The following GALNT18 variants were observed in gnomAD, a reference collection of about 807,000 sequenced individuals.
The protein encoded by GALNT18 is polypeptide N-acetylgalactosaminyltransferase 18.
GALNT18 carries 44 observed loss-of-function variants against 69.5 expected under a neutral mutation model. The observed-to-expected ratio is 0.63, with a 90% CI of 0.50 to 0.81. The LOEUF (loss-of-function observed/expected upper bound fraction) is 0.81. Ranked by LOEUF, GALNT18 falls within the 40% of genes least tolerant of loss-of-function variation. The probability of loss-of-function intolerance (pLI) is 0.00; values close to 1 mark genes in which losing one functional copy is unlikely to be tolerated. For missense variants in GALNT18, 715 were observed against 810.0 expected (o/e 0.88, Z 1.42); for synonymous variants, 364 against 318.2 (o/e 1.14, Z -1.53).
At chr11:11,296,151 A>G (rs1051745546) in intron 9 of GALNT18, among the ~76,000 whole-genome samples, 1 of 152,180 alleles carries the variant, frequency 6.6e-6, no homozygotes, top group Non-Finnish European at 1.5e-5. Flanking sequence ...GAAATGAGAA[A>G]AGCCATGGTC....
intron 1 of GALNT18, among the ~76,000 whole-genome samples, chr11:11,508,379 ATGT>A (rs1487511247): frequency 6.6e-6 from 1 of 152,198 alleles, no homozygotes; most frequent in Non-Finnish European, 1.5e-5. Flanking sequence ...TACATAAGTG[ATGT>A]TGTGCTCATC....
intron 3 of GALNT18, among the ~76,000 whole-genome samples, chr11:11,394,064 G>T (rs188963902): frequency 2.0e-5 from 3 of 152,188 alleles, no homozygotes; most frequent in African/African-American, 7.2e-5. Context: ...TGGGAAGAAA[G>T]AATTAAACCA....
chr11:11,592,265 G>T lies in GALNT18; in HGVS notation c.235+29094C>A, dbSNP rs1335528992. On this transcript the variant is annotated intron_variant, in intron 1 of 10. Transcript: ENST00000227756. This position sits in a 1 kb window ranked among gnomAD's most constrained non-coding sequence, Gnocchi z 5.9. ...ACAGAAAAGCTTTAATCAATGCCCG[G>T]AAGTGAAATGCTAAGAAATTATATG... Among the ~76,000 whole-genome samples the T allele has an allele frequency of 3.3e-5, 5 of 152,062 alleles. No homozygotes were observed. The highest frequency in any genetic ancestry group is 1.2e-4 in the African/African-American group (5 of 41,394).
At chr11:11,599,019 G>A (rs1332039972) in intron 1 of GALNT18, among the ~76,000 whole-genome samples, 1 of 151,658 alleles carries the variant, frequency 6.6e-6, no homozygotes, top group Non-Finnish European at 1.5e-5. Context: ...AGTGTATGGT[G>A]TATTCTGGAT....
Position 11,621,626 on chromosome 11 carries a change from G to A in GALNT18, c.-33C>T, listed in dbSNP as rs776367283. 8 of 1,508,736 alleles carry A rather than the reference G, an allele frequency of 5.3e-6. No individual in the cohort carries two copies. Among genetic ancestry groups the A allele is most frequent in the African/African-American group, 1.4e-5 (1 of 72,104 alleles). The allele number at this position is 1,508,736 out of a possible 1,614,324, so 93.5% of individuals were successfully genotyped here. A position where few individuals can be genotyped will look rare whatever the true frequency, so the allele number is the denominator to read the frequency against. On this transcript the variant is annotated 5_prime_UTR_variant, in exon 1 of 11. Coordinates refer to ENST00000227756, the MANE Select transcript of GALNT18 (RefSeq NM_198516.3). The surrounding 1 kb of genome is among the most constrained non-coding windows in gnomAD (Gnocchi z 9.3). ...TCCTTCCTCCATATAGAGCTCCCGGGGGCCCTTCCTTGTCGTGCGCCCCGA... is the reference window on the plus strand; with the variant it reads ...TCCTTCCTCCATATAGAGCTCCCGGAGGCCCTTCCTTGTCGTGCGCCCCGA...
rs76764370 is a variant in GALNT18 at position 11,323,392 on chromosome 11, A to G, written c.1512+3694T>C. On this transcript the variant is annotated intron_variant, in intron 9 of 10. Coordinates refer to ENST00000227756, the MANE Select transcript of GALNT18 (RefSeq NM_198516.3). ...TCTCATTCCAGAAGGAGAAATCAGA[A>G]TGAAGGAGAGTGATGAGTCCCAAGC... 7.9e-5 allele frequency among the ~76,000 whole-genome samples: 12 copies of G among 152,364 alleles called. No homozygotes were observed. The East Asian group carries it at 2.3e-3, about 29-fold the overall frequency.
In GALNT18 at chr11:11,543,094, G is replaced by GCTTGGTCA. The variant is rs1857964160; in HGVS notation, c.235+78257_235+78264dup. On this transcript the variant is annotated intron_variant, in intron 1 of 10. Transcript: ENST00000227756. The surrounding 1 kb of genome is among the most constrained non-coding windows in gnomAD (Gnocchi z 5.1). ...GGGAAGGATCTGGTGCATGGAAAGTGCTTGGTCAGTGTTAGTTACTATTAT... is the reference window on the plus strand; with the variant it reads ...GGGAAGGATCTGGTGCATGGAAAGTGCTTGGTCACTTGGTCAGTGTTAGTTACTATTAT... Among the ~76,000 whole-genome samples the GCTTGGTCA allele has an allele frequency of 6.6e-6, 1 of 152,330 alleles. No homozygotes were observed. The highest frequency in any genetic ancestry group is 1.5e-5 in the Non-Finnish European group (1 of 68,030).
In GALNT18 at chr11:11,613,207, A is replaced by T. The variant is rs763259931; in HGVS notation, c.235+8152T>A. On this transcript the variant is annotated intron_variant, in intron 1 of 10. Coordinates refer to ENST00000227756, the MANE Select transcript of GALNT18 (RefSeq NM_198516.3). This position sits in a 1 kb window ranked among gnomAD's most constrained non-coding sequence, Gnocchi z 4.2. ...AGCTTAAGTGTTCATATAACAAGGA[A>T]TCCTCTTGCTTAAAGTTCCAGTTGG... Among the ~76,000 whole-genome samples the T allele has an allele frequency of 1.3e-5, 2 of 152,186 alleles. No homozygotes were observed. Among genetic ancestry groups the T allele is most frequent in the Non-Finnish European group, 2.9e-5 (2 of 68,030 alleles).
Position 11,546,812 on chromosome 11 carries a change from A to G in GALNT18, c.235+74547T>C, listed in dbSNP as rs1858062860. Among the ~76,000 whole-genome samples the G allele has an allele frequency of 6.7e-6, 1 of 149,194 alleles. No homozygotes were observed. The highest frequency in any genetic ancestry group is 1.5e-5 in the Non-Finnish European group (1 of 67,436). The stretch of plus-strand genomic sequence containing the variant: ...TGGCATAGAGCAGGCACTCAGATCA[A>G]TTTTCGGTCAGATGGATGGATGGGT... On this transcript the variant is annotated intron_variant, in intron 1 of 10. Transcript: ENST00000227756. The surrounding 1 kb of genome is among the most constrained non-coding windows in gnomAD (Gnocchi z 5.8).
rs549996216 is a variant in GALNT18 at position 11,377,364 on chromosome 11, G to A, written c.795C>T (p.Leu265=). 66 of 1,613,856 alleles carry A rather than the reference G, an allele frequency of 4.1e-5. 1 individual carries two copies. The South Asian group carries it at 6.6e-4, about 16-fold the overall frequency. The change falls in exon 5 of 11, where the codon CTC becomes CTT. Residue 265 remains leucine (L), a synonymous_variant. Coordinates refer to ENST00000227756, the MANE Select transcript of GALNT18 (RefSeq NM_198516.3). The surrounding 1 kb of genome is among the most constrained non-coding windows in gnomAD (Gnocchi z 4.6). ...GCTTCCGGTTCTCCTTGATGCGGGT[G>A]AGTACAGGTTCAGCCCTGGGCAGAG... is the stretch of plus-strand genomic sequence containing the variant. ...EFNVGWAEPV[L]TRIKENRKRI...
intron 1 of GALNT18, among the ~76,000 whole-genome samples, chr11:11,504,421 T>C (rs1857029892): frequency 7.5e-6 from 1 of 133,130 alleles, no homozygotes; most frequent in Non-Finnish European, 1.6e-5. Flanking sequence ...AACATATTCA[T>C]ATTTTTCTTA....
rs147272816 is a variant in GALNT18, at chr11:11,538,401, G to A, written c.235+82958C>T. 3.9e-5 allele frequency among the ~76,000 whole-genome samples: 6 copies of A among 152,266 alleles called. No individual in the cohort carries two copies. The East Asian group carries it at 9.7e-4, about 25-fold the overall frequency. ...CATGTTCATTTCAGCTGAGCCACCC[G>A]GGGTGTCTGTCCCCAGACGTGGACA... On this transcript the variant is annotated intron_variant, in intron 1 of 10. Coordinates refer to ENST00000227756, the MANE Select transcript of GALNT18 (RefSeq NM_198516.3). The surrounding 1 kb of genome is among the most constrained non-coding windows in gnomAD (Gnocchi z 5.2).
At chr11:11,502,261 A>C (rs1298841529) in intron 1 of GALNT18, among the ~76,000 whole-genome samples, 1 of 152,184 alleles carries the variant, frequency 6.6e-6, no homozygotes, top group Non-Finnish European at 1.5e-5. Flanking sequence ...AGCTTAAACC[A>C]ACAGTACCTG....
intron 3 of GALNT18, among the ~76,000 whole-genome samples, chr11:11,428,331 C>T (rs1000158497): frequency 6.6e-6 from 1 of 152,244 alleles, no homozygotes; most frequent in Non-Finnish European, 1.5e-5. Context: ...GGGTTCAGCT[C>T]AGCCTGGGGT....
intron 1 of GALNT18, among the ~76,000 whole-genome samples, chr11:11,455,894 G>A (rs748774809): frequency 6.6e-6 from 1 of 152,126 alleles, no homozygotes; most frequent in Non-Finnish European, 1.5e-5. Flanking sequence ...TTTAAGACCA[G>A]CCTGGGTAAC....
chr11:11,314,039 G>A lies in GALNT18; in HGVS notation c.1512+13047C>T, dbSNP rs7947283. 0.014 allele frequency among the ~76,000 whole-genome samples: 2,187 copies of A among 152,264 alleles called. 37 individuals carry two copies. Among genetic ancestry groups the A allele is most frequent in the African/African-American group, 0.049 (2,017 of 41,530 alleles). On this transcript the variant is annotated intron_variant, in intron 9 of 10. Coordinates refer to ENST00000227756, the MANE Select transcript of GALNT18 (RefSeq NM_198516.3). This position sits in a 1 kb window ranked among gnomAD's most constrained non-coding sequence, Gnocchi z 5.2. ...ACCCGCCCCCATTTTACTGATCAGG[G>A]AGGCTCAGTGAGGTAATGTGACTTG... is the stretch of plus-strand genomic sequence containing the variant.
intron 9 of GALNT18, among the ~76,000 whole-genome samples, chr11:11,302,679 C>T (rs529287519): frequency 1.3e-5 from 2 of 152,336 alleles, no homozygotes; most frequent in South Asian, 4.1e-4. Flanking sequence ...TTGGGCTTGG[C>T]TCAGGGAAAG....
chr11:11,437,037 G>T (rs532214987), intron 2 of GALNT18, among the ~76,000 whole-genome samples: 113 of 152,228 alleles, frequency 7.4e-4, no homozygotes, highest in African/African-American at 2.6e-3. Context: ...CAGTCCTGCC[G>T]CAGCCGGGAC....
rs541672395 is a variant in GALNT18, at chr11:11,402,867, G to A, written c.596-23603C>T. Among the ~76,000 whole-genome samples the A allele has an allele frequency of 3.9e-5, 6 of 152,296 alleles. No individual in the cohort carries two copies. Among genetic ancestry groups the A allele is most frequent in the Admixed American group, 1.3e-4 (2 of 15,302 alleles). ...AGCCTCAGGTGTCCCCACGGGCCCCGGAGATGGTGTAATGCTTGTTTCTCT... is the reference window on the plus strand; with the variant it reads ...AGCCTCAGGTGTCCCCACGGGCCCCAGAGATGGTGTAATGCTTGTTTCTCT... On this transcript the variant is annotated intron_variant, in intron 3 of 10. Transcript: ENST00000227756. This position sits in a 1 kb window ranked among gnomAD's most constrained non-coding sequence, Gnocchi z 4.0.
Sources: allele counts gnomAD v4.1 joint callset (sites outside exome capture counted in the v4.1 genomes callset), GRCh38; gene constraint gnomAD v4.1.1; non-coding constraint Gnocchi (gnomAD v3.1); transcripts MANE v1.5; gene names NCBI Gene and HGNC (gene_info 2026-07-23, HGNC 2026-07-21).